The following RBFOX1 variants were observed in gnomAD, a reference collection of about 807,000 sequenced individuals.
RBFOX1 encodes RNA binding protein fox-1 homolog 1.
In RBFOX1, 8 loss-of-function variants were observed where a neutral mutation model predicts 57.7. That is an observed-to-expected ratio of 0.14 (90% CI 0.08 to 0.25). The LOEUF (loss-of-function observed/expected upper bound fraction) is 0.25. Among genes scored for constraint, RBFOX1 ranks in the 10% least tolerant of loss-of-function variants. RBFOX1 has a pLI of 1.00. For synonymous variants in RBFOX1, 326 were observed against 222.4 expected (o/e 1.47, Z -4.15); for missense variants, 611 against 548.5 (o/e 1.11, Z -1.14).
chr16:7,095,199 C>T (rs932139956), intron 4 of RBFOX1, among the ~76,000 whole-genome samples: 14 of 152,142 alleles, frequency 9.2e-5, no homozygotes, highest in Non-Finnish European at 1.3e-4. Context: ...TGCAGTGGCA[C>T]GATCTCAGCT....
At chr16:7,036,905 T>G (rs1429864646) in intron 3 of RBFOX1, among the ~76,000 whole-genome samples, 1 of 152,248 alleles carries the variant, frequency 6.6e-6, no homozygotes, top group East Asian at 1.9e-4. Context: ...TTCCCATTTT[T>G]ATGGTTATTT....
chr16:7,371,531 C>A lies in RBFOX1; in HGVS notation c.28-146616C>A, dbSNP rs1449250492. Among the ~76,000 whole-genome samples, 3 of 152,262 alleles carry A rather than the reference C, an allele frequency of 2.0e-5. No individual in the cohort carries two copies. In the South Asian group the frequency reaches 6.2e-4, roughly 32 times the overall value. On this transcript the variant is annotated intron_variant, in intron 4 of 15. Transcript: ENST00000550418. ...CTGGGAGGATGAGGCAGGCGGATAA[C>A]CTGAGGTCAGGAGATCGAGACCAGC... is the stretch of plus-strand genomic sequence containing the variant.
At chr16:6,192,658 G>GT (rs1442253291) in intron 1 of RBFOX1, among the ~76,000 whole-genome samples, 2 of 152,142 alleles carry the variant, frequency 1.3e-5, no homozygotes, top group Non-Finnish European at 2.9e-5. Context: ...AGTCTACCAT[G>GT]TAACTCTCAA....
intron 3 of RBFOX1, among the ~76,000 whole-genome samples, chr16:6,941,608 C>A (rs990264600): frequency 2.6e-5 from 4 of 151,562 alleles, no homozygotes; most frequent in African/African-American, 9.7e-5. Flanking sequence ...AAATTATGCC[C>A]CTCCTCTGCC....
chr16:7,453,873 A>G (rs1048838562), intron 4 of RBFOX1, among the ~76,000 whole-genome samples: 5 of 152,178 alleles, frequency 3.3e-5, no homozygotes, highest in African/African-American at 1.2e-4. Flanking sequence ...TCTTCACCAA[A>G]GGCTAGAAGT....
intron 4 of RBFOX1, among the ~76,000 whole-genome samples, chr16:7,266,024 G>C (rs944825863): frequency 4.8e-5 from 7 of 145,220 alleles, no homozygotes; most frequent in African/African-American, 1.6e-4. Context: ...GCCCAGGCTG[G>C]AGTGCAGTGG....
chr16:6,915,759 C>G (rs1485555394), intron 3 of RBFOX1, among the ~76,000 whole-genome samples: 1 of 152,018 alleles, frequency 6.6e-6, no homozygotes, highest in Non-Finnish European at 1.5e-5. Flanking sequence ...GCCATGTTGC[C>G]CATGCTGCCC....
intron 3 of RBFOX1, among the ~76,000 whole-genome samples, chr16:5,667,148 G>C (rs73514570): frequency 0.011 from 1,738 of 151,880 alleles, 32 homozygotes; most frequent in African/African-American, 0.04. Context: ...CAGTGTTTTT[G>C]TTGTTGCTTA....
chr16:7,201,187 A>G (rs948132671), intron 4 of RBFOX1, among the ~76,000 whole-genome samples: 7 of 152,194 alleles, frequency 4.6e-5, no homozygotes, highest in South Asian at 2.1e-4. Flanking sequence ...TGAGGTTAAA[A>G]CAAAGTCTGG....
intron 2 of RBFOX1, among the ~76,000 whole-genome samples, chr16:6,641,362 C>G (rs2098486082): frequency 6.6e-6 from 1 of 152,122 alleles, no homozygotes; most frequent in Non-Finnish European, 1.5e-5. Context: ...CTGTCATTTT[C>G]TGGTGCTATT....
At chr16:6,007,319 C>G (rs971281012) in intron 4 of RBFOX1, among the ~76,000 whole-genome samples, 1 of 152,222 alleles carries the variant, frequency 6.6e-6, no homozygotes, top group Non-Finnish European at 1.5e-5. Context: ...CCAGCTACCA[C>G]ATCCTGAGCT....
At chr16:7,422,369 G>A (rs2098551242) in intron 4 of RBFOX1, among the ~76,000 whole-genome samples, 1 of 152,126 alleles carries the variant, frequency 6.6e-6, no homozygotes, top group Non-Finnish European at 1.5e-5. Context: ...GGGAAATGGC[G>A]GCAAGCAATC....
chr16:6,791,109 C>G (rs1431099443), intron 3 of RBFOX1, among the ~76,000 whole-genome samples: 2 of 151,874 alleles, frequency 1.3e-5, no homozygotes, highest in Non-Finnish European at 2.9e-5. Context: ...GTTTTGCCAT[C>G]TTGGCTAGGC....
intron 1 of RBFOX1, among the ~76,000 whole-genome samples, chr16:6,067,779 A>G (rs1775910251): frequency 6.6e-6 from 1 of 152,254 alleles, no homozygotes; most frequent in Non-Finnish European, 1.5e-5. Flanking sequence ...TACCTAGAGC[A>G]AAATGATTGC....
chr16:6,521,837 A>C (rs2096505624), intron 2 of RBFOX1, among the ~76,000 whole-genome samples: 1 of 152,176 alleles, frequency 6.6e-6, no homozygotes, highest in African/African-American at 2.4e-5. Context: ...TAAAAATGGA[A>C]GGCTTAGAGT....
intron 2 of RBFOX1, among the ~76,000 whole-genome samples, chr16:5,583,817 A>T (rs537010350): frequency 2.0e-5 from 3 of 152,346 alleles, no homozygotes; most frequent in African/African-American, 7.2e-5. Flanking sequence ...GCTCAAGGTT[A>T]TAAGTCTGCT....
In RBFOX1 at chr16:7,676,761, C is replaced by G; in HGVS notation, c.931-13C>G. 6.2e-7 allele frequency: 1 copy of G among 1,610,002 alleles called. No homozygotes were observed. The highest frequency in any genetic ancestry group is 8.5e-7 in the Non-Finnish European group (1 of 1,176,956). Reference sequence around the variant, plus strand: ...CGCTACATTCCTGAGTCACATTTCTCCTTGTGTTTTAGGGTGGTTATGCTG... The same window carrying G: ...CGCTACATTCCTGAGTCACATTTCTGCTTGTGTTTTAGGGTGGTTATGCTG... On this transcript the variant is annotated splice_polypyrimidine_tract_variant and intron_variant, in intron 13 of 15. Transcript: ENST00000550418.
intron 1 of RBFOX1, among the ~76,000 whole-genome samples, chr16:5,416,811 GTTAC>G (rs1244500923): frequency 6.6e-6 from 1 of 152,090 alleles, no homozygotes; most frequent in Non-Finnish European, 1.5e-5. Flanking sequence ...GCAAATTGAA[GTTAC>G]TTGTTCTTAT....
At chr16:6,140,116 C>G (rs1037680876) in intron 1 of RBFOX1, among the ~76,000 whole-genome samples, 1 of 152,096 alleles carries the variant, frequency 6.6e-6, no homozygotes, top group Non-Finnish European at 1.5e-5. Context: ...AGTCTTCTTA[C>G]ACCATCTTTG....
Sources: allele counts gnomAD v4.1 joint callset (sites outside exome capture counted in the v4.1 genomes callset), GRCh38; gene constraint gnomAD v4.1.1; transcripts MANE v1.5; gene names NCBI Gene and HGNC (gene_info 2026-07-23, HGNC 2026-07-21).